Variants in CDC14B observed in about 807,000 individuals in gnomAD.
CDC14B encodes cell division cycle 14B.
A neutral mutation model predicts 64.2 loss-of-function variants in CDC14B; 22 were observed. The ratio of observed to expected loss-of-function variants is 0.34; its 90% confidence interval spans 0.24 to 0.49. The LOEUF is 0.49. Ranked by LOEUF, CDC14B falls within the 20% of genes least tolerant of loss-of-function variation. The probability of loss-of-function intolerance (pLI) is 0.99; values close to 1 mark genes in which losing one functional copy is unlikely to be tolerated. For missense variants in CDC14B, 498 were observed against 629.9 expected, an observed-to-expected ratio of 0.79 and a Z score of 2.24; for synonymous variants, 191 against 215.8, an observed-to-expected ratio of 0.89 and a Z score of 1.01.
At chr9:96,555,893 C>T (rs1044378863) in intron 4 of CDC14B, among the ~76,000 whole-genome samples, 3 of 151,790 alleles carry the variant, frequency 2.0e-5, no homozygotes, top group South Asian at 2.1e-4. Flanking sequence ...CCTGTGAGAA[C>T]GCTGGACCCT....
At chr9:96,604,572 G>A (rs969741285) in intron 1 of CDC14B, among the ~76,000 whole-genome samples, 2 of 151,004 alleles carry the variant, frequency 1.3e-5, no homozygotes, top group Non-Finnish European at 2.9e-5. Flanking sequence ...TAGAGACAGG[G>A]TTTCTCCATG....
At chr9:96,551,295 A>AT (rs1052745632) in intron 5 of CDC14B, among the ~76,000 whole-genome samples, 2 of 151,306 alleles carry the variant, frequency 1.3e-5, no homozygotes, top group South Asian at 2.1e-4. Context: ...TTTTTTTAAA[A>AT]TTTTTTTATA....
At chr9:96,603,155 GACACACACACACAC>G (rs5899295) in intron 1 of CDC14B, among the ~76,000 whole-genome samples, 4 of 138,050 alleles carry the variant, frequency 2.9e-5, no homozygotes, top group East Asian at 2.1e-4. Context: ...GATAGAAACG[GACACACACACACAC>G]ACACACACAC....
chr9:96,549,826 C>T (rs1444611179), intron 5 of CDC14B, among the ~76,000 whole-genome samples: 1 of 152,214 alleles, frequency 6.6e-6, no homozygotes, highest in African/African-American at 2.4e-5. Flanking sequence ...AACTTCATTT[C>T]TCAGTGCCAA....
intron 12 of CDC14B, among the ~76,000 whole-genome samples, chr9:96,517,629 G>C (rs1835912172): frequency 9.4e-6 from 1 of 105,888 alleles, no homozygotes; most frequent in Non-Finnish European, 1.7e-5. Context: ...GGGCGACAGA[G>C]CAAGACTCCG....
chr9:96,551,951 C>A, intron 4 of CDC14B, 79 bp from the exon 5 acceptor site: 2 of 1,516,622 alleles, frequency 1.3e-6, no homozygotes, highest in South Asian at 2.5e-5. Flanking sequence ...TAAATTTTGT[C>A]CAATTTCCAA....
chr9:96,548,261 C>T (rs191221444), intron 5 of CDC14B, among the ~76,000 whole-genome samples: 73 of 152,050 alleles, frequency 4.8e-4, no homozygotes, highest in Middle Eastern at 3.4e-3. Flanking sequence ...ACAATACTAC[C>T]TCTCAAGAAA....
intron 9 of CDC14B, among the ~76,000 whole-genome samples, chr9:96,531,177 C>T (rs1335546461): frequency 6.6e-6 from 1 of 152,052 alleles, no homozygotes; most frequent in Non-Finnish European, 1.5e-5. Context: ...AGAAAGTGTT[C>T]CTTTTTCCTC....
intron 1 of CDC14B, among the ~76,000 whole-genome samples, chr9:96,614,755 T>A (rs1383438919): frequency 6.6e-6 from 1 of 152,132 alleles, no homozygotes; most frequent in Non-Finnish European, 1.5e-5. Context: ...ACCTCCCCAC[T>A]TCCTCCAGTT....
intron 1 of CDC14B, among the ~76,000 whole-genome samples, chr9:96,597,037 A>G (rs1846127518): frequency 6.6e-6 from 1 of 152,180 alleles, no homozygotes; most frequent in South Asian, 2.1e-4. Flanking sequence ...AGTTCAACCA[A>G]TCTCAAGCAC....
rs1032735022 is a variant in CDC14B at position 96,523,168 on chromosome 9, T to G, written c.1245+93A>C. 3.0e-5 allele frequency: 40 copies of G among 1,335,344 alleles called. No individual in the cohort carries two copies. The African/African-American group carries it at 5.6e-4, about 19-fold the overall frequency. The allele number at this position is 1,335,344 out of a possible 1,614,324, so 82.7% of individuals were successfully genotyped here. On this transcript the variant is annotated intron_variant, in intron 11 of 13. Transcript: ENST00000375241. ...AACTGACAATCATCCAAGAGCTGCTTTATTATTTTACCTACGGTTTTCTCC... is the reference window on the plus strand; with the variant it reads ...AACTGACAATCATCCAAGAGCTGCTGTATTATTTTACCTACGGTTTTCTCC...
At chr9:96,573,124 A>C (rs1844574209) in intron 1 of CDC14B, among the ~76,000 whole-genome samples, 1 of 152,076 alleles carries the variant, frequency 6.6e-6, no homozygotes, top group Non-Finnish European at 1.5e-5. Context: ...GCACTACCAA[A>C]ATGGTGAAAC....
intron 4 of CDC14B, among the ~76,000 whole-genome samples, chr9:96,557,212 A>G (rs2132159292): frequency 1.3e-5 from 2 of 152,368 alleles, no homozygotes; most frequent in South Asian, 4.1e-4. Context: ...CCGGCTCCCA[A>G]GGAAGCACTG....
intron 9 of CDC14B, among the ~76,000 whole-genome samples, chr9:96,529,066 A>G (rs1265806382): frequency 1.3e-5 from 2 of 152,172 alleles, no homozygotes; most frequent in Non-Finnish European, 2.9e-5. Context: ...TGCTGATAGT[A>G]TACTTTGATG....
chr9:96,555,305 T>A (rs1217555069), intron 4 of CDC14B, among the ~76,000 whole-genome samples: 1 of 152,136 alleles, frequency 6.6e-6, no homozygotes, highest in Non-Finnish European at 1.5e-5. Context: ...AAGCTGTTAT[T>A]TTGGGAGGAT....
At chr9:96,592,773 A>AAAAAAC (rs1845860337) in intron 1 of CDC14B, among the ~76,000 whole-genome samples, 1 of 152,154 alleles carries the variant, frequency 6.6e-6, no homozygotes, top group Non-Finnish European at 1.5e-5. Context: ...ACTTTGTCTC[A>AAAAAAC]AAAAACAAAA....
intron 5 of CDC14B, among the ~76,000 whole-genome samples, chr9:96,545,598 G>A (rs1036604680): frequency 2.0e-5 from 3 of 152,248 alleles, no homozygotes; most frequent in East Asian, 3.9e-4. Flanking sequence ...GATTATAGGC[G>A]TGAGCCACTG....
intron 5 of CDC14B, among the ~76,000 whole-genome samples, chr9:96,546,746 G>C (rs1051597300): frequency 6.8e-6 from 1 of 146,192 alleles, no homozygotes; most frequent in African/African-American, 2.5e-5. Context: ...CACCGCGCCC[G>C]GCCACGACAG....
chr9:96,617,639 T>C (rs1259041711), intron 1 of CDC14B, among the ~76,000 whole-genome samples: 1 of 152,048 alleles, frequency 6.6e-6, no homozygotes, highest in African/African-American at 2.4e-5. Flanking sequence ...GAATATATAG[T>C]ATATATAGTA....
Sources: allele counts gnomAD v4.1 joint callset (sites outside exome capture counted in the v4.1 genomes callset), GRCh38; gene constraint gnomAD v4.1.1; transcripts MANE v1.5; gene names NCBI Gene and HGNC (gene_info 2026-07-23, HGNC 2026-07-21).